The following SNX13 variants were observed in gnomAD, a reference collection of about 807,000 sequenced individuals.
SNX13 encodes the protein sorting nexin-13.
Under a neutral mutation model 133.6 loss-of-function variants are expected in SNX13, and 45 were observed. The observed-to-expected ratio is 0.34, with a 90% CI of 0.27 to 0.43. SNX13 has a LOEUF of 0.43. SNX13 is among the 20% of genes least tolerant of loss of function. The probability of loss-of-function intolerance (pLI) is 1.00; values close to 1 mark genes in which losing one functional copy is unlikely to be tolerated. For missense variants in SNX13, 1,032 were observed against 1,145.1 expected, an observed-to-expected ratio of 0.90 and a Z score of 1.43; for synonymous variants, 414 against 373.9, an observed-to-expected ratio of 1.11 and a Z score of -1.24.
intron 5 of SNX13, among the ~76,000 whole-genome samples, chr7:17,887,993 T>G (rs747845771): frequency 2.0e-5 from 3 of 152,094 alleles, no homozygotes; most frequent in Non-Finnish European, 4.4e-5. Context: ...CAGCACAGAA[T>G]AAGGCTTTCT....
chr7:17,877,048 A>G (rs1191460741), intron 5 of SNX13, among the ~76,000 whole-genome samples: 2 of 136,394 alleles, frequency 1.5e-5, no homozygotes, highest in African/African-American at 3.3e-5. Context: ...ACTTTTTGAA[A>G]AAAAAAAAAA....
intron 1 of SNX13, among the ~76,000 whole-genome samples, chr7:17,913,059 GGA>G (rs111767010): frequency 2.2e-4 from 33 of 152,296 alleles, no homozygotes; most frequent in African/African-American, 7.9e-4. Flanking sequence ...GACAGTTCAG[GGA>G]GAGTGTCTCA....
chr7:17,940,213 T>A, intron 1 of SNX13, 71 bp downstream of exon 1: 1 of 1,546,802 alleles, frequency 6.5e-7, no homozygotes. Flanking sequence ...GTACAGATGA[T>A]GTTCTCTGAC....
At chr7:17,851,086 A>T in intron 9 of SNX13, 122 bp from the exon 10 acceptor site, 3 of 995,990 alleles carry the variant, frequency 3.0e-6, no homozygotes, top group Non-Finnish European at 4.3e-6. Flanking sequence ...TACAACAAAA[A>T]GAAAAAAGTT....
chr7:17,799,177 A>G lies in SNX13; in HGVS notation c.2299-23T>C, dbSNP rs1267137746. 2.5e-6 allele frequency: 4 copies of G among 1,571,686 alleles called. No homozygotes were observed. In the South Asian group the frequency reaches 4.8e-5, roughly 19 times the overall value. On this transcript the variant is annotated intron_variant, in intron 22 of 25. Coordinates refer to ENST00000428135, the MANE Select transcript of SNX13 (RefSeq NM_015132.5). The stretch of plus-strand genomic sequence containing the variant: ...CACCTGACAAAATATAAGAAATAAG[A>G]ATAAGTTTGAGTTAGCTATCTACTA...
At chr7:17,838,434 T>A (rs1789416255) in intron 13 of SNX13, among the ~76,000 whole-genome samples, 1 of 151,910 alleles carries the variant, frequency 6.6e-6, no homozygotes, top group Non-Finnish European at 1.5e-5. Context: ...GAACCAACTT[T>A]TGGTTTTAGA....
chr7:17,923,914 T>C (rs542239257), intron 1 of SNX13, among the ~76,000 whole-genome samples: 137 of 152,274 alleles, frequency 9.0e-4, no homozygotes, highest in South Asian at 2.5e-3. Context: ...AAATATTCTA[T>C]AAATATATAC....
chr7:17,890,838 G>C lies in SNX13; in HGVS notation c.319-354C>G, dbSNP rs186693100. On this transcript the variant is annotated intron_variant, in intron 4 of 25. Transcript: ENST00000428135. ...ATAAATAATATCAATCAGTTTAATG[G>C]AATGAGATGTAAAATAATAGAGACT... Among the ~76,000 whole-genome samples, 350 of 151,824 alleles carry C rather than the reference G, an allele frequency of 2.3e-3. 2 individuals are homozygous for C. Among genetic ancestry groups the C allele is most frequent in the Middle Eastern group, 0.01 (3 of 294 alleles).
intron 9 of SNX13, among the ~76,000 whole-genome samples, chr7:17,864,456 A>G (rs1009235060): frequency 3.9e-5 from 6 of 152,166 alleles, no homozygotes; most frequent in Admixed American, 6.5e-5. Context: ...GCTATACGAA[A>G]ACACATAGAG....
intron 8 of SNX13, among the ~76,000 whole-genome samples, chr7:17,873,225 T>C (rs957608120): frequency 1.5e-4 from 23 of 152,204 alleles, no homozygotes; most frequent in Non-Finnish European, 2.9e-5. Flanking sequence ...ATAATAATGC[T>C]AAGACATTAT....
intron 5 of SNX13, among the ~76,000 whole-genome samples, chr7:17,879,081 C>G (rs1795058167): frequency 6.6e-6 from 1 of 152,228 alleles, no homozygotes; most frequent in Non-Finnish European, 1.5e-5. Context: ...GTTATGCATT[C>G]TGATAATACC....
At chr7:17,919,990 A>T (rs1358021195) in intron 1 of SNX13, among the ~76,000 whole-genome samples, 1 of 152,126 alleles carries the variant, frequency 6.6e-6, no homozygotes, top group Non-Finnish European at 1.5e-5. Flanking sequence ...AAATTAATGA[A>T]TGAGTAAAGA....
intron 1 of SNX13, among the ~76,000 whole-genome samples, chr7:17,926,864 C>T (rs544167610): frequency 1.3e-5 from 2 of 152,060 alleles, no homozygotes; most frequent in South Asian, 2.1e-4. Flanking sequence ...CTAGCCTGGA[C>T]GACAAAGTGA....
chr7:17,930,417 G>A (rs1801268389), intron 1 of SNX13, among the ~76,000 whole-genome samples: 1 of 152,044 alleles, frequency 6.6e-6, no homozygotes, highest in Non-Finnish European at 1.5e-5. Flanking sequence ...GACTAGAGGA[G>A]ATATATATAC....
chr7:17,830,582 T>TA (rs1319119652), intron 15 of SNX13: 2 of 983,458 alleles, frequency 2.0e-6, no homozygotes, highest in African/African-American at 3.5e-5. Flanking sequence ...AATCAATATA[T>TA]AACAAAAAGA....
chr7:17,935,124 G>A (rs1180699168), intron 1 of SNX13, among the ~76,000 whole-genome samples: 1 of 152,124 alleles, frequency 6.6e-6, no homozygotes. Flanking sequence ...CAACCTAAGT[G>A]TCCATCAATG....
chr7:17,878,196 T>C (rs1280613280), intron 5 of SNX13, among the ~76,000 whole-genome samples: 2 of 152,274 alleles, frequency 1.3e-5, no homozygotes, highest in African/African-American at 4.8e-5. Flanking sequence ...GTCAAAACTC[T>C]TTTTCATTTT....
intron 1 of SNX13, among the ~76,000 whole-genome samples, chr7:17,914,201 G>C (rs1799302935): frequency 1.7e-5 from 2 of 120,878 alleles, no homozygotes; most frequent in South Asian, 3.7e-4. Context: ...TTAAGGAAAT[G>C]GGAGAAAAAA....
chr7:17,892,357 T>A (rs1400821335), intron 3 of SNX13, among the ~76,000 whole-genome samples: 1 of 152,004 alleles, frequency 6.6e-6, no homozygotes, highest in Non-Finnish European at 1.5e-5. Context: ...GACTTAACCA[T>A]TCTTGAATAT....
Sources: allele counts gnomAD v4.1 joint callset (sites outside exome capture counted in the v4.1 genomes callset), GRCh38; gene constraint gnomAD v4.1.1; transcripts MANE v1.5; gene names NCBI Gene and HGNC (gene_info 2026-07-23, HGNC 2026-07-21).